GC: variants seen among roughly 807,000 people sequenced by gnomAD.
The protein encoded by GC is GC vitamin D binding protein, also known as vitamin D-binding protein.
GC carries 43 observed loss-of-function variants against 56.7 expected under a neutral mutation model. The ratio of observed to expected loss-of-function variants is 0.76; its 90% CI spans 0.59 to 0.98. The LOEUF (loss-of-function observed/expected upper bound fraction) is 0.98. GC is among the 50% of genes least tolerant of loss of function. The probability of loss-of-function intolerance (pLI) is 0.00; values close to 1 mark genes in which losing one functional copy is unlikely to be tolerated. For missense variants in GC, 529 were observed against 545.9 expected (o/e 0.97, Z 0.31); for synonymous variants, 216 against 202.7 (o/e 1.07, Z -0.56).
intron 1 of GC, among the ~76,000 whole-genome samples, chr4:71,775,397 G>T (rs1742474874): frequency 2.0e-5 from 3 of 151,858 alleles, no homozygotes; most frequent in Admixed American, 2.0e-4. Flanking sequence ...AGTTCCACAT[G>T]GCACTCCTTT....
At chr4:71,791,869 A>G (rs1742976454) in intron 1 of GC, among the ~76,000 whole-genome samples, 1 of 151,928 alleles carries the variant, frequency 6.6e-6, no homozygotes, top group African/African-American at 2.4e-5. Flanking sequence ...CCTGTGTCCA[A>G]GTGTTCTCAT....
chr4:71,763,240 G>A (rs73827385), intron 6 of GC, among the ~76,000 whole-genome samples, 168 bp downstream of exon 6: 2,234 of 152,104 alleles, frequency 0.015, 52 homozygotes, highest in African/African-American at 0.051. Flanking sequence ...TTCATAATCT[G>A]TATAGAGAAA....
rs542811662 is a variant in GC at position 71,800,717 on chromosome 4, A to G, written c.21+3209T>C. Among the ~76,000 whole-genome samples, 19 of 152,240 alleles carry G rather than the reference A, an allele frequency of 1.2e-4. No homozygotes were observed. In the East Asian group the frequency reaches 1.7e-3, roughly 14 times the overall value. ...CCACCAACAGTGTAAAAGTGTTCCT[A>G]TTTCTCCACAGCCTTGCCAGCATCT... On this transcript the variant is annotated intron_variant, in intron 1 of 13. Transcript: ENST00000504199.
Position 71,766,123 on chromosome 4 carries a change from C to T in GC, c.262-480G>A, listed in dbSNP as rs192041190. Among the ~76,000 whole-genome samples, 45 of 152,320 alleles carry T rather than the reference C, an allele frequency of 3.0e-4. 1 individual carries two copies. Among genetic ancestry groups the T allele is most frequent in the Admixed American group, 2.9e-3 (45 of 15,294 alleles). On this transcript the variant is annotated intron_variant, in intron 3 of 12. Coordinates refer to ENST00000273951, the MANE Select transcript of GC (RefSeq NM_000583.4). ...TCCCTCCCTTTGTGAAATGAGTAGA[C>T]TCTTGATTGCTGGTTCCTTTAACTT... is the stretch of plus-strand genomic sequence containing the variant.
intron 1 of GC, among the ~76,000 whole-genome samples, chr4:71,779,382 C>G (rs1578312094): frequency 6.6e-6 from 1 of 151,748 alleles, no homozygotes. Context: ...GAAGCCCCCT[C>G]TATAAATGGA....
rs531044563 is a variant in GC at position 71,764,010 on chromosome 4, T to A, written c.474-74A>T. The A allele has an allele frequency of 1.5e-4, 176 of 1,160,890 alleles. No individual in the cohort carries two copies. The South Asian group carries it at 1.6e-3, about 11-fold the overall frequency. 71.9% of individuals were successfully genotyped at this position (1,160,890 alleles called of 1,614,324 possible). A position where few individuals can be genotyped will look rare whatever the true frequency, so the allele number is the denominator to read the frequency against. ...ATCTACTTTTTTATTTGAGACAGTG[T>A]CTTGCCCTGTCATCTAGGCTGGAGT... On this transcript the variant is annotated intron_variant, in intron 4 of 12. Transcript: ENST00000273951.
intron 11 of GC, among the ~76,000 whole-genome samples, chr4:71,751,857 T>C (rs1375032162): frequency 6.6e-6 from 1 of 152,166 alleles, no homozygotes; most frequent in African/African-American, 2.4e-5. Flanking sequence ...TGACTAAAAT[T>C]TTAATATTCT....
upstream of GC, among the ~76,000 whole-genome samples, chr4:71,788,311 T>C (rs1280319658): frequency 1.3e-5 from 2 of 151,930 alleles, no homozygotes. Context: ...TTTATTCATA[T>C]TTTAAAACAA....
chr4:71,770,766 G>C (rs1363974471), intron 1 of GC, among the ~76,000 whole-genome samples: 1 of 152,176 alleles, frequency 6.6e-6, no homozygotes, highest in Non-Finnish European at 1.5e-5. Flanking sequence ...CCTGAATGGG[G>C]TAGTAGCTTC....
At chr4:71,785,592 A>G (rs1407390022), upstream of GC, among the ~76,000 whole-genome samples, 1 of 151,748 alleles carries the variant, frequency 6.6e-6, no homozygotes. Context: ...TCAAAGCACA[A>G]GTATTTCTGT....
At chr4:71,781,731 G>A (rs1378882600) in intron 1 of GC, among the ~76,000 whole-genome samples, 1 of 151,806 alleles carries the variant, frequency 6.6e-6, no homozygotes, top group Admixed American at 6.6e-5. Flanking sequence ...GCTTTTCATA[G>A]GGTAGCAAAA....
intron 1 of GC, among the ~76,000 whole-genome samples, chr4:71,794,024 T>C (rs912506651): frequency 6.6e-6 from 1 of 152,214 alleles, no homozygotes; most frequent in African/African-American, 2.4e-5. Context: ...TCATGCTGGA[T>C]AAGCTTTTTG....
intron 10 of GC, 141 bp from the exon 11 acceptor site, chr4:71,752,791 C>A: frequency 1.4e-6 from 1 of 718,466 alleles, no homozygotes; most frequent in Non-Finnish European, 2.3e-6. Flanking sequence ...AATTCTATAC[C>A]TGTGGTATAG....
In GC at chr4:71,802,133, T is replaced by C. The variant is rs895401381; in HGVS notation, c.21+1793A>G. ...TCATCTTGCTTCTGAACATCAGATA[T>C]AAACCATTATGTGAATAGCATCATT... On this transcript the variant is annotated intron_variant, in intron 1 of 13. Coordinates refer to the GC transcript ENST00000504199. Among the ~76,000 whole-genome samples, 3 of 152,238 alleles carry C rather than the reference T, an allele frequency of 2.0e-5. No individual in the cohort carries two copies. In the South Asian group the frequency reaches 6.2e-4, roughly 32 times the overall value.
intron 10 of GC, among the ~76,000 whole-genome samples, chr4:71,752,987 T>C (rs1323516877): frequency 6.6e-6 from 1 of 152,198 alleles, no homozygotes; most frequent in Non-Finnish European, 1.5e-5. Flanking sequence ...TCAAATTCCT[T>C]AAAGAATATT....
chr4:71,751,435 A>T (rs1741551596), intron 11 of GC, among the ~76,000 whole-genome samples: 1 of 152,200 alleles, frequency 6.6e-6, no homozygotes, highest in Admixed American at 6.5e-5. Context: ...TAGGCCTCAG[A>T]TGTGGTGATT....
chr4:71,770,732 C>T (rs1742317310), intron 1 of GC, among the ~76,000 whole-genome samples: 1 of 152,124 alleles, frequency 6.6e-6, no homozygotes, highest in African/African-American at 2.4e-5. Flanking sequence ...CCTTTCCCAC[C>T]ACAGGCAATA....
At chr4:71,770,140 T>C (rs1742299141) in intron 1 of GC, among the ~76,000 whole-genome samples, 2 of 152,144 alleles carry the variant, frequency 1.3e-5, no homozygotes, top group African/African-American at 4.8e-5. Context: ...TGGGGTGTAA[T>C]GGACAGGTGT....
upstream of GC, among the ~76,000 whole-genome samples, chr4:71,786,166 G>C (rs954408177): frequency 5.3e-5 from 8 of 151,850 alleles, no homozygotes; most frequent in African/African-American, 1.9e-4. Context: ...ATCTCTATAC[G>C]AGCTGCCAAA....
Sources: gnomAD v4.1 joint callset for allele counts (sites outside exome capture counted in the v4.1 genomes callset) on GRCh38, gnomAD v4.1.1 for gene constraint, MANE v1.5 for transcripts, NCBI Gene and HGNC (gene_info 2026-07-23, HGNC 2026-07-21) for gene names.